The following CSGALNACT2 variants were observed in gnomAD, a reference collection of about 807,000 sequenced individuals.
The protein encoded by CSGALNACT2 is chondroitin sulfate N-acetylgalactosaminyltransferase 2.
Under a neutral mutation model 55.3 loss-of-function variants are expected in CSGALNACT2, and 35 were observed. The ratio of observed to expected loss-of-function variants is 0.63; its 90% CI spans 0.48 to 0.84. The LOEUF is 0.84. CSGALNACT2 is among the 40% of genes least tolerant of loss of function. The probability of loss-of-function intolerance (pLI) is 0.00; values close to 1 mark genes in which losing one functional copy is unlikely to be tolerated. For synonymous variants in CSGALNACT2, 196 were observed against 224.9 expected (o/e 0.87, Z 1.15); for missense variants, 544 against 657.5 (o/e 0.83, Z 1.89).
chr10:43,156,705 G>C (rs1588899160), intron 2 of CSGALNACT2, among the ~76,000 whole-genome samples: 1 of 152,232 alleles, frequency 6.6e-6, no homozygotes, highest in Admixed American at 6.5e-5. Flanking sequence ...CATAAAGAGC[G>C]TGCAGTGTAG....
intron 1 of CSGALNACT2, among the ~76,000 whole-genome samples, chr10:43,149,210 G>T (rs1446561043): frequency 1.3e-5 from 2 of 152,152 alleles, no homozygotes; most frequent in Non-Finnish European, 2.9e-5. Flanking sequence ...AGCCTCCTGA[G>T]TAGCTGGGAC....
intron 1 of CSGALNACT2, among the ~76,000 whole-genome samples, chr10:43,141,756 A>C (rs1392871917): frequency 6.6e-6 from 1 of 152,048 alleles, no homozygotes; most frequent in Non-Finnish European, 1.5e-5. Flanking sequence ...AGAAGAAATA[A>C]CCACAGAGAT....
rs780817840 is a variant in CSGALNACT2 at position 43,155,180 on chromosome 10, C to T, written c.31C>T (p.Arg11Trp). The change falls in exon 2 of 8, where the codon CGG (arginine) becomes TGG (tryptophan). Residue 11 changes from arginine (R) to tryptophan (W), a missense_variant. This residue lies in a region of CSGALNACT2 where 374 missense variants were observed against 401.3 expected (regional missense o/e 0.93). Transcript: ENST00000374466. MPRRGLILHTRTHWLLLGLAL... is the reference protein window; with the variant it reads MPRRGLILHTWTHWLLLGLAL... The stretch of plus-strand genomic sequence containing the variant: ...TAGAAGAGGACTGATTCTTCACACC[C>T]GGACCCACTGGTTGCTGTTGGGCCT... 33 of 1,613,920 alleles carry T rather than the reference C, an allele frequency of 2.0e-5. No homozygotes were observed. Among genetic ancestry groups the T allele is most frequent in the Non-Finnish European group, 2.5e-5 (30 of 1,179,956 alleles).
chr10:43,151,944 A>G (rs1245793026), intron 1 of CSGALNACT2, among the ~76,000 whole-genome samples: 1 of 152,198 alleles, frequency 6.6e-6, no homozygotes, highest in Non-Finnish European at 1.5e-5. Flanking sequence ...TTGTTTCAAG[A>G]CAACCAAAGA....
rs1397952955 is a variant in CSGALNACT2 at position 43,158,797 on chromosome 10, G to A, written c.744G>A (p.Val248=). ...CAGACCTTACGGAATATAGACATGT[G>A]ACCCTCTTCCGCCCTTTTGGACCTC... is the stretch of plus-strand genomic sequence containing the variant. The part of the protein sequence containing the change: ...KKADLTEYRH[V]TLFRPFGPLM... Residue 248 remains valine, a synonymous_variant, in exon 3 of 8, where the codon GTG becomes GTA. Transcript: ENST00000374466. The A allele has an allele frequency of 6.2e-7, 1 of 1,611,880 alleles. No homozygotes were observed. Among genetic ancestry groups the A allele is most frequent in the Admixed American group, 1.7e-5 (1 of 60,002 alleles).
intron 2 of CSGALNACT2, among the ~76,000 whole-genome samples, chr10:43,158,086 A>G (rs750270221): frequency 6.6e-6 from 1 of 151,862 alleles, no homozygotes; most frequent in African/African-American, 2.4e-5. Context: ...TTTTCTCTCA[A>G]AGGCATCTCA....
At chr10:43,169,668 A>C (rs1839346649) in intron 6 of CSGALNACT2, among the ~76,000 whole-genome samples, 1 of 152,172 alleles carries the variant, frequency 6.6e-6, no homozygotes, top group African/African-American at 2.4e-5. Context: ...GAAAAGAGAG[A>C]ATATTGAGTG....
chr10:43,151,371 A>G (rs1021216220), intron 1 of CSGALNACT2, among the ~76,000 whole-genome samples: 3 of 152,160 alleles, frequency 2.0e-5, no homozygotes, highest in Non-Finnish European at 2.9e-5. Flanking sequence ...TTTAAGATGT[A>G]TTGGCAGGAT....
chr10:43,170,089 T>C (rs577751967), intron 6 of CSGALNACT2, among the ~76,000 whole-genome samples: 35 of 152,308 alleles, frequency 2.3e-4, no homozygotes, highest in Admixed American at 2.0e-3. Flanking sequence ...AAATTAAGTC[T>C]AAACATTTGT....
intron 1 of CSGALNACT2, among the ~76,000 whole-genome samples, chr10:43,153,121 G>A (rs1293230450): frequency 6.6e-6 from 1 of 151,838 alleles, no homozygotes. Flanking sequence ...AGGCCGAGGC[G>A]GGCGGATCAC....
At chr10:43,147,267 G>A (rs1483009178) in intron 1 of CSGALNACT2, among the ~76,000 whole-genome samples, 1 of 152,072 alleles carries the variant, frequency 6.6e-6, no homozygotes, top group African/African-American at 2.4e-5. Context: ...GAGCCACCGC[G>A]CCCGGCCGAG....
At chr10:43,154,133 G>T (rs1056473714) in intron 1 of CSGALNACT2, among the ~76,000 whole-genome samples, 1 of 152,212 alleles carries the variant, frequency 6.6e-6, no homozygotes, top group Non-Finnish European at 1.5e-5. Flanking sequence ...TAGAATGCTT[G>T]AGTTGAATAA....
intron 2 of CSGALNACT2, 79 bp from the exon 3 acceptor site, chr10:43,158,636 A>T: frequency 1.2e-6 from 1 of 824,172 alleles, no homozygotes; most frequent in Non-Finnish European, 2.0e-6. Context: ...CTTTATGTTT[A>T]AGTGAGTAAA....
intron 6 of CSGALNACT2, 33 bp downstream of exon 6, chr10:43,167,131 T>C: frequency 7.6e-7 from 1 of 1,322,388 alleles, no homozygotes; most frequent in Non-Finnish European, 1.1e-6. Context: ...TATGAAAGAC[T>C]CTAAAGATCT....
chr10:43,142,099 T>C (rs1434871933), intron 1 of CSGALNACT2, among the ~76,000 whole-genome samples: 2 of 152,366 alleles, frequency 1.3e-5, no homozygotes, highest in East Asian at 3.8e-4. Context: ...TTTTAGAAGT[T>C]AAAGCAGGGG....
At position 43,183,584 on chromosome 10, in the gene CSGALNACT2, C is replaced by CT. The variant is rs1564523556; in HGVS notation, c.*43dup. 1 of 1,532,924 alleles carries CT rather than the reference C, an allele frequency of 6.5e-7. No individual in the cohort carries two copies. The highest frequency in any genetic ancestry group is 9.0e-7 in the Non-Finnish European group (1 of 1,110,122). The allele number at this position is 1,532,924 out of a possible 1,614,324, so 95.0% of individuals were successfully genotyped here. A position where few individuals can be genotyped will look rare whatever the true frequency, so the allele number is the denominator to read the frequency against. Reference sequence around the variant, plus strand: ...TTACTGTATGAACCACAAAACAGCACTATTTATTTAGCCTTACTTCTACTT... The same window carrying CT: ...TTACTGTATGAACCACAAAACAGCACTTATTTATTTAGCCTTACTTCTACTT... On this transcript the variant is annotated 3_prime_UTR_variant, in exon 8 of 8. Coordinates refer to ENST00000374466, the MANE Select transcript of CSGALNACT2 (RefSeq NM_018590.5).
chr10:43,158,806 C>G lies in CSGALNACT2; in HGVS notation c.753C>G (p.Phe251Leu), dbSNP rs1232648942. 1 of 1,611,648 alleles carries G rather than the reference C, an allele frequency of 6.2e-7. No homozygotes were observed. Among genetic ancestry groups the G allele is most frequent in the Admixed American group, 1.7e-5 (1 of 60,014 alleles). The part of the protein sequence containing the change: ...DLTEYRHVTL[F>L]RPFGPLMKVK... ...CGGAATATAGACATGTGACCCTCTT[C>G]CGCCCTTTTGGACCTCTCATGAAAG... The change falls in exon 3 of 8, where the codon TTC becomes TTG. Residue 251 changes from phenylalanine to leucine, a missense_variant. Phe to Leu is a conservative substitution (Grantham distance 22, BLOSUM62 0). Around this residue, in one of 2 missense-constraint regions of CSGALNACT2, gnomAD observed 374 missense variants for 401.3 expected, o/e 0.93. Coordinates refer to ENST00000374466, the MANE Select transcript of CSGALNACT2 (RefSeq NM_018590.5).
Position 43,155,023 on chromosome 10 carries a change from AAACTT to A in CSGALNACT2, c.-124_-120del, listed in dbSNP as rs747402644. 1 of 794,356 alleles carries A rather than the reference AAACTT, an allele frequency of 1.3e-6. No homozygotes were observed. The highest frequency in any genetic ancestry group is 2.0e-6 in the Non-Finnish European group (1 of 501,524). The allele number at this position is 794,356 out of a possible 1,614,324, so 49.2% of individuals were successfully genotyped here. A position where few individuals can be genotyped will look rare whatever the true frequency, so the allele number is the denominator to read the frequency against. On this transcript the variant is annotated 5_prime_UTR_variant, in exon 2 of 8. The change abolishes the stop of an existing upstream ORF in the 5' untranslated region. Coordinates refer to ENST00000374466, the MANE Select transcript of CSGALNACT2 (RefSeq NM_018590.5). The stretch of plus-strand genomic sequence containing the variant: ...GTAGTCATGACTGCTGAAGAAAGAA[AAACTT>A]AAAGCTACGGCAGAATTATTTTATG...
chr10:43,139,445 A>C (rs1838569923), intron 1 of CSGALNACT2, among the ~76,000 whole-genome samples: 1 of 152,216 alleles, frequency 6.6e-6, no homozygotes, highest in Non-Finnish European at 1.5e-5. Flanking sequence ...ATTTTGGCCT[A>C]AATAAACACA....
Sources: allele counts gnomAD v4.1 joint callset (sites outside exome capture counted in the v4.1 genomes callset), GRCh38; gene constraint gnomAD v4.1.1; regional missense constraint gnomAD v4.1.1; transcripts MANE v1.5; gene names NCBI Gene and HGNC (gene_info 2026-07-23, HGNC 2026-07-21).